The following RNF220 variants were observed in gnomAD, a reference collection of about 807,000 sequenced individuals.
RNF220 encodes ring finger protein 220.
Under a neutral mutation model 67.1 loss-of-function variants are expected in RNF220, and 7 were observed. That is an observed-to-expected ratio of 0.10 (90% CI 0.06 to 0.20). The LOEUF is 0.20. Ranked by LOEUF, RNF220 falls within the 10% of genes least tolerant of loss-of-function variation. The probability of loss-of-function intolerance (pLI) is 1.00; values close to 1 mark genes in which losing one functional copy is unlikely to be tolerated. For missense variants in RNF220, 565 were observed against 740.3 expected, an observed-to-expected ratio of 0.76 and a Z score of 2.75; for synonymous variants, 270 against 283.2, an observed-to-expected ratio of 0.95 and a Z score of 0.47.
chr1:44,538,290 T>A (rs2148213207), intron 2 of RNF220, among the ~76,000 whole-genome samples: 2 of 152,364 alleles, frequency 1.3e-5, no homozygotes, highest in African/African-American at 4.8e-5. Flanking sequence ...TCTCTTGTCA[T>A]GTCTTTTCCG....
chr1:44,592,623 A>T (rs1239889593), intron 2 of RNF220, among the ~76,000 whole-genome samples: 1 of 151,974 alleles, frequency 6.6e-6, no homozygotes, highest in East Asian at 1.9e-4. Flanking sequence ...GCTGAGAGCC[A>T]CTCTGCAAGT....
Position 44,650,262 on chromosome 1 carries a change from T to C in RNF220, c.1629+305T>C, listed in dbSNP as rs917254734. On this transcript the variant is annotated intron_variant, in intron 14 of 14. Transcript: ENST00000361799. This position sits in a 1 kb window ranked among gnomAD's most constrained non-coding sequence, Gnocchi z 4.3. ...CCTGGGGTCAGGAGGAGGCTGGCTG[T>C]AGGTAAACAGGACCAGGGCCTTGGC... 7.6e-6 allele frequency: 4 copies of C among 524,900 alleles called. No homozygotes were observed. In the South Asian group the frequency reaches 9.3e-5, roughly 12 times the overall value. The allele number at this position is 524,900 out of a possible 1,614,324, so 32.5% of individuals were successfully genotyped here. A position where few individuals can be genotyped will look rare whatever the true frequency, so the allele number is the denominator to read the frequency against.
At chr1:44,510,189 A>G (rs1355325719) in intron 2 of RNF220, among the ~76,000 whole-genome samples, 5 of 150,346 alleles carry the variant, frequency 3.3e-5, no homozygotes, top group Non-Finnish European at 7.4e-5. Context: ...CAGTGAATAG[A>G]GATCACGCCA....
intron 12 of RNF220, among the ~76,000 whole-genome samples, chr1:44,646,039 G>A (rs1412478590): frequency 6.6e-6 from 1 of 152,190 alleles, no homozygotes; most frequent in African/African-American, 2.4e-5. Context: ...TATCAGCTGG[G>A]CATCTTCCTG....
intron 12 of RNF220, among the ~76,000 whole-genome samples, chr1:44,646,513 G>A (rs2148511567): frequency 6.6e-6 from 1 of 152,378 alleles, no homozygotes; most frequent in African/African-American, 2.4e-5. Flanking sequence ...GGGGAGGAAT[G>A]ACGTATGGAT....
rs1644786315 is a variant in RNF220, at chr1:44,651,537, G to T, written c.*762G>T. 6.5e-6 allele frequency: 1 copy of T among 152,760 alleles called. No individual in the cohort carries two copies. The highest frequency in any genetic ancestry group is 2.1e-4 in the South Asian group (1 of 4,834). 9.5% of individuals were successfully genotyped at this position (152,760 alleles called of 1,614,324 possible). ...AGGGGGCTAGAGGACAGTGCTCCTG[G>T]CCACCCAGCCTCTGCTGAGAACCAT... On this transcript the variant is annotated 3_prime_UTR_variant, in exon 15 of 15. Transcript: ENST00000361799.
chr1:44,458,941 T>C (rs1292912208), intron 2 of RNF220, among the ~76,000 whole-genome samples: 2 of 152,204 alleles, frequency 1.3e-5, no homozygotes, highest in African/African-American at 4.8e-5. Flanking sequence ...AGAGGCTGGT[T>C]AAGAGAGCAT....
At chr1:44,538,388 G>A (rs1375223869) in intron 2 of RNF220, among the ~76,000 whole-genome samples, 1 of 152,032 alleles carries the variant, frequency 6.6e-6, no homozygotes, top group Non-Finnish European at 1.5e-5. Flanking sequence ...AGCTACTCTT[G>A]TTTTTGTCAT....
intron 4 of RNF220, among the ~76,000 whole-genome samples, chr1:44,623,567 C>T (rs948262427): frequency 3.9e-5 from 6 of 152,218 alleles, no homozygotes; most frequent in Non-Finnish European, 8.8e-5. Flanking sequence ...AAGACTGCAT[C>T]CTTTTTCCCA....
At chr1:44,426,371 T>C (rs1649773762) in intron 2 of RNF220, among the ~76,000 whole-genome samples, 1 of 152,188 alleles carries the variant, frequency 6.6e-6, no homozygotes, top group Non-Finnish European at 1.5e-5. Flanking sequence ...GCCTGCCCCT[T>C]AGGCAAGATC....
At chr1:44,405,182 TGA>T (rs1297056653), upstream of RNF220, 1 of 290,970 alleles carries the variant, frequency 3.4e-6, no homozygotes, top group Non-Finnish European at 6.3e-6. Context: ...TGTGTGAGTG[TGA>T]GAGAATGTGT....
chr1:44,430,862 A>G (rs1391755648), intron 2 of RNF220, among the ~76,000 whole-genome samples: 1 of 152,216 alleles, frequency 6.6e-6, no homozygotes, highest in African/African-American at 2.4e-5. Context: ...GTTTATTTTT[A>G]AAAGATGATT....
At chr1:44,450,020 T>C (rs1279997445) in intron 2 of RNF220, among the ~76,000 whole-genome samples, 1 of 152,164 alleles carries the variant, frequency 6.6e-6, no homozygotes, top group Non-Finnish European at 1.5e-5. Flanking sequence ...GAGACCAGCC[T>C]GACCAACAGA....
rs1485873490 is a variant in RNF220, at chr1:44,650,389, A to T, written c.1630-315A>T. ...CCGGAGACAGTAATAAAAGGCTCGG[A>T]CGTGGGCTCTGTGTCCTGATCAAAG... On this transcript the variant is annotated intron_variant, in intron 14 of 14. Coordinates refer to ENST00000361799, the MANE Select transcript of RNF220 (RefSeq NM_018150.4). This position sits in a 1 kb window ranked among gnomAD's most constrained non-coding sequence, Gnocchi z 4.3. 1 of 465,276 alleles carries T rather than the reference A, an allele frequency of 2.1e-6. No homozygotes were observed. Among genetic ancestry groups the T allele is most frequent in the Non-Finnish European group, 3.9e-6 (1 of 255,878 alleles). 28.8% of individuals were successfully genotyped at this position (465,276 alleles called of 1,614,324 possible).
At chr1:44,527,505 C>T (rs1044061621) in intron 2 of RNF220, among the ~76,000 whole-genome samples, 3 of 152,140 alleles carry the variant, frequency 2.0e-5, no homozygotes, top group Admixed American at 6.5e-5. Flanking sequence ...CACCTGTAAT[C>T]TCAGCCACTC....
intron 2 of RNF220, among the ~76,000 whole-genome samples, chr1:44,449,693 A>C (rs1300658827): frequency 1.3e-5 from 2 of 152,148 alleles, no homozygotes; most frequent in South Asian, 4.1e-4. Flanking sequence ...GGATTGGGGT[A>C]TGGGCCATGG....
chr1:44,465,384 T>A (rs1654180454), intron 2 of RNF220, among the ~76,000 whole-genome samples: 1 of 150,486 alleles, frequency 6.6e-6, no homozygotes. Context: ...TTAAATATAT[T>A]ATATTAAATA....
At chr1:44,633,213 T>A (rs889907244) in intron 6 of RNF220, among the ~76,000 whole-genome samples, 5 of 152,220 alleles carry the variant, frequency 3.3e-5, no homozygotes, top group Admixed American at 3.3e-4. Flanking sequence ...GCTGGCGCCA[T>A]GTTAAGCACC....
At chr1:44,583,461 G>A (rs1665468906) in intron 2 of RNF220, among the ~76,000 whole-genome samples, 1 of 152,144 alleles carries the variant, frequency 6.6e-6, no homozygotes, top group Non-Finnish European at 1.5e-5. Flanking sequence ...TGCCCTCTCT[G>A]TTTATGAAGT....
Sources: allele counts gnomAD v4.1 joint callset (sites outside exome capture counted in the v4.1 genomes callset), GRCh38; gene constraint gnomAD v4.1.1; non-coding constraint Gnocchi (gnomAD v3.1); transcripts MANE v1.5; gene names NCBI Gene and HGNC (gene_info 2026-07-23, HGNC 2026-07-21).